SGMS1: variants seen among roughly 807,000 people sequenced by gnomAD.
SGMS1 encodes the protein sphingomyelin synthase 1, also known as phosphatidylcholine:ceramide cholinephosphotransferase 1.
Under a neutral mutation model 46.2 loss-of-function variants are expected in SGMS1, and 13 were observed. The observed-to-expected ratio is 0.28, with a 90% CI of 0.18 to 0.45. SGMS1 has a LOEUF of 0.45. SGMS1 is among the 20% of genes least tolerant of loss of function. The pLI, the probability that SGMS1 is intolerant of heterozygous loss-of-function variation, is 1.00. For missense variants in SGMS1, 324 were observed against 519.9 expected (o/e 0.62, Z 3.66); for synonymous variants, 203 against 187.8 (o/e 1.08, Z -0.66).
chr10:50,520,806 C>T (rs1332182261), intron 2 of SGMS1, among the ~76,000 whole-genome samples: 1 of 152,204 alleles, frequency 6.6e-6, no homozygotes, highest in Non-Finnish European at 1.5e-5. Flanking sequence ...AGAAAATCCA[C>T]ACAAAGGTAG....
intron 4 of SGMS1, among the ~76,000 whole-genome samples, chr10:50,462,176 C>T (rs1837273431): frequency 6.6e-6 from 1 of 152,082 alleles, no homozygotes; most frequent in South Asian, 2.1e-4. Flanking sequence ...GCAGGAGAAT[C>T]ACTTGAGCCC....
chr10:50,488,494 A>T (rs1391110206), intron 3 of SGMS1, among the ~76,000 whole-genome samples: 3 of 152,206 alleles, frequency 2.0e-5, no homozygotes, highest in African/African-American at 7.2e-5. Context: ...TATTCTTTTG[A>T]AGAAATTAAT....
intron 1 of SGMS1, among the ~76,000 whole-genome samples, chr10:50,616,877 C>T (rs1838803125): frequency 6.6e-6 from 1 of 152,134 alleles, no homozygotes. Context: ...GAAAATCTTA[C>T]AATATTAGAC....
At chr10:50,520,035 G>A (rs1303303934) in intron 2 of SGMS1, 114 bp from the exon 3 acceptor site, 1 of 152,152 alleles carries the variant, frequency 6.6e-6, no homozygotes, top group East Asian at 1.9e-4. Context: ...TGATTTGTGA[G>A]AGAAATAAGG....
At position 50,574,778 on chromosome 10, in the gene SGMS1, C is replaced by T. The variant is rs535061243; in HGVS notation, c.-589+15375G>A. On this transcript the variant is annotated intron_variant, in intron 2 of 10. Coordinates refer to ENST00000361781, the MANE Select transcript of SGMS1 (RefSeq NM_147156.4). Reference sequence around the variant, plus strand: ...GAATGGATAAAGAAAAATGTGGTACCGTAGGAAGATGTTGAATGTTTCCAA... The same window carrying T: ...GAATGGATAAAGAAAAATGTGGTACTGTAGGAAGATGTTGAATGTTTCCAA... Among the ~76,000 whole-genome samples the T allele has an allele frequency of 1.1e-4, 16 of 151,698 alleles. No homozygotes were observed. The South Asian group carries it at 2.9e-3, about 28-fold the overall frequency.
chr10:50,316,301 G>A (rs184426286), intron 8 of SGMS1, among the ~76,000 whole-genome samples: 3 of 152,180 alleles, frequency 2.0e-5, no homozygotes, highest in South Asian at 2.1e-4. Flanking sequence ...GCAGAAATGC[G>A]ATTTAAAATA....
intron 6 of SGMS1, among the ~76,000 whole-genome samples, chr10:50,406,704 C>CTTTTTTTTTTTTTTTTTT (rs11424535): frequency 1.4e-5 from 2 of 145,034 alleles, no homozygotes. Context: ...AGCTATAATT[C>CTTTTTTTTTTTTTTTTTT]TTTTTTTTTT....
chr10:50,552,544 G>C (rs1375552684), intron 2 of SGMS1, among the ~76,000 whole-genome samples: 1 of 152,164 alleles, frequency 6.6e-6, no homozygotes, highest in East Asian at 1.9e-4. Flanking sequence ...AAGTCTGTTT[G>C]ACAACAGAAT....
At chr10:50,402,549 G>T (rs1848956726) in intron 6 of SGMS1, among the ~76,000 whole-genome samples, 1 of 152,124 alleles carries the variant, frequency 6.6e-6, no homozygotes, top group Non-Finnish European at 1.5e-5. Flanking sequence ...ATCATTAAAA[G>T]ACTTTCCATA....
intron 5 of SGMS1, among the ~76,000 whole-genome samples, chr10:50,436,425 C>A (rs1014259982): frequency 2.6e-5 from 4 of 152,118 alleles, no homozygotes; most frequent in African/African-American, 2.4e-5. Flanking sequence ...CTGTGCTCAG[C>A]AGTGGGAGTG....
At chr10:50,624,966 AT>A (rs1015401406), upstream of SGMS1, 7 of 1,037,404 alleles carry the variant, frequency 6.7e-6, no homozygotes, top group Admixed American at 1.1e-4. Flanking sequence ...CCGCCCGGCC[AT>A]CGGGCCGCGG....
chr10:50,555,394 G>A (rs1172419600), intron 2 of SGMS1, among the ~76,000 whole-genome samples: 1 of 152,154 alleles, frequency 6.6e-6, no homozygotes, highest in African/African-American at 2.4e-5. Flanking sequence ...CCATCTTCCT[G>A]CTTTGAGGCC....
chr10:50,325,904 G>A (rs1262572614), intron 8 of SGMS1, among the ~76,000 whole-genome samples: 1 of 152,162 alleles, frequency 6.6e-6, no homozygotes, highest in African/African-American at 2.4e-5. Flanking sequence ...CTCCCAGCAA[G>A]AGTCCATATC....
intron 3 of SGMS1, among the ~76,000 whole-genome samples, chr10:50,494,468 C>G (rs1837593472): frequency 6.6e-6 from 1 of 152,158 alleles, no homozygotes; most frequent in Non-Finnish European, 1.5e-5. Flanking sequence ...AAGATCATGT[C>G]CTTTGAAGGA....
chr10:50,361,164 C>T (rs898614512), intron 6 of SGMS1, among the ~76,000 whole-genome samples: 1 of 152,116 alleles, frequency 6.6e-6, no homozygotes, highest in African/African-American at 2.4e-5. Flanking sequence ...AAGTTCTGAT[C>T]CTTCTTTTCC....
intron 2 of SGMS1, among the ~76,000 whole-genome samples, chr10:50,573,141 G>T (rs889127979): frequency 6.6e-6 from 1 of 152,130 alleles, no homozygotes; most frequent in African/African-American, 2.4e-5. Context: ...ACTCAATGGA[G>T]AAAAACTGAA....
chr10:50,616,817 T>TA (rs1838802078), intron 1 of SGMS1, among the ~76,000 whole-genome samples: 1 of 152,182 alleles, frequency 6.6e-6, no homozygotes, highest in Non-Finnish European at 1.5e-5. Context: ...AAGTCATTTT[T>TA]AAAAAGATGA....
chr10:50,516,342 C>G (rs1280876555), intron 3 of SGMS1, among the ~76,000 whole-genome samples: 1 of 152,156 alleles, frequency 6.6e-6, no homozygotes, highest in Non-Finnish European at 1.5e-5. Flanking sequence ...GCCTCTAATT[C>G]ACAACAGCAA....
At chr10:50,464,579 TCCA>T (rs752887712) in intron 4 of SGMS1, among the ~76,000 whole-genome samples, 91 of 152,318 alleles carry the variant, frequency 6.0e-4, no homozygotes, top group Non-Finnish European at 1.2e-3. Flanking sequence ...ACTACAGGCA[TCCA>T]CCACCACATC....
Sources: allele counts gnomAD v4.1 joint callset (sites outside exome capture counted in the v4.1 genomes callset), GRCh38; gene constraint gnomAD v4.1.1; transcripts MANE v1.5; gene names NCBI Gene and HGNC (gene_info 2026-07-23, HGNC 2026-07-21).